Variants in CSRNP3 observed in about 807,000 individuals in gnomAD.
CSRNP3 encodes cysteine and serine rich nuclear protein 3, also known as cysteine/serine-rich nuclear protein 3.
CSRNP3 carries 12 observed loss-of-function variants against 48.0 expected under a neutral mutation model. The ratio of observed to expected loss-of-function variants is 0.25; its 90% CI spans 0.16 to 0.41. The LOEUF is 0.41. Ranked by LOEUF, CSRNP3 falls within the 10% of genes least tolerant of loss-of-function variation. The probability of loss-of-function intolerance (pLI) is 1.00; values close to 1 mark genes in which losing one functional copy is unlikely to be tolerated. For synonymous variants in CSRNP3, 263 were observed against 269.7 expected (o/e 0.98, Z 0.24); for missense variants, 580 against 724.4 (o/e 0.80, Z 2.29).
At chr2:165,605,857 C>A (rs768101727) in intron 4 of CSRNP3, among the ~76,000 whole-genome samples, 6 of 151,986 alleles carry the variant, frequency 3.9e-5, no homozygotes, top group Non-Finnish European at 8.8e-5. Context: ...CCTAACAGAT[C>A]TCAATACTTG....
chr2:165,539,028 A>C (rs1558928765), intron 3 of CSRNP3, among the ~76,000 whole-genome samples: 1 of 152,122 alleles, frequency 6.6e-6, no homozygotes. Context: ...TAGTGGATTG[A>C]AAAAGTACGA....
chr2:165,482,265 C>CTTTTTTT (rs5836042), intron 1 of CSRNP3, among the ~76,000 whole-genome samples: 4 of 143,282 alleles, frequency 2.8e-5, no homozygotes, highest in Non-Finnish European at 1.5e-5. Context: ...AAGAGATGTG[C>CTTTTTTT]TTTTTTTTTT....
chr2:165,494,581 T>C (rs1000080799), intron 1 of CSRNP3, among the ~76,000 whole-genome samples, 178 bp from the exon 2 acceptor site: 5 of 152,090 alleles, frequency 3.3e-5, no homozygotes, highest in African/African-American at 9.7e-5. Flanking sequence ...AGAATGAAAA[T>C]AACGACTTAG....
At chr2:165,625,633 AAAAAAAAGAAAAG>A (rs1442117500) in intron 4 of CSRNP3, among the ~76,000 whole-genome samples, 3 of 104,904 alleles carry the variant, frequency 2.9e-5, no homozygotes, top group African/African-American at 5.7e-5. Context: ...GATTCTGTCA[AAAAAAAAGAAAAG>A]AAAAAAGAAA....
At chr2:165,470,267 G>A (rs1356273130) in intron 1 of CSRNP3, among the ~76,000 whole-genome samples, 1 of 152,030 alleles carries the variant, frequency 6.6e-6, no homozygotes, top group African/African-American at 2.4e-5. Flanking sequence ...AATGATTTGT[G>A]TGCATTTAAG....
chr2:165,569,782 G>T (rs1438269013), intron 3 of CSRNP3, among the ~76,000 whole-genome samples: 34 of 151,718 alleles, frequency 2.2e-4, no homozygotes, highest in Admixed American at 6.6e-5. Context: ...CCAGAGTTTT[G>T]ATTAGAAGGG....
intron 1 of CSRNP3, among the ~76,000 whole-genome samples, chr2:165,475,990 A>C (rs550030334): frequency 1.3e-5 from 2 of 152,342 alleles, no homozygotes; most frequent in South Asian, 4.1e-4. Context: ...ATTGTAAATT[A>C]ATGTAATTAA....
chr2:165,551,515 T>G (rs2105260275), intron 3 of CSRNP3, among the ~76,000 whole-genome samples: 1 of 152,282 alleles, frequency 6.6e-6, no homozygotes, highest in Non-Finnish European at 1.5e-5. Flanking sequence ...CACATGTGTC[T>G]TATGTGTATC....
At chr2:165,604,179 G>T (rs923087578) in intron 4 of CSRNP3, among the ~76,000 whole-genome samples, 1 of 152,092 alleles carries the variant, frequency 6.6e-6, no homozygotes, top group Non-Finnish European at 1.5e-5. Flanking sequence ...AGAAACTCAC[G>T]ATCTAACAGT....
chr2:165,557,132 G>C (rs964051831), intron 3 of CSRNP3, among the ~76,000 whole-genome samples: 3 of 151,970 alleles, frequency 2.0e-5, no homozygotes, highest in Non-Finnish European at 4.4e-5. Flanking sequence ...CCTTTAAATA[G>C]TGGTTTAAAT....
intron 2 of CSRNP3, among the ~76,000 whole-genome samples, chr2:165,508,873 C>T (rs1204781863): frequency 5.9e-5 from 9 of 152,000 alleles, no homozygotes; most frequent in East Asian, 1.9e-4. Context: ...TCATTTGTTT[C>T]GGGTTAGTTT....
intron 4 of CSRNP3, among the ~76,000 whole-genome samples, chr2:165,614,924 A>C (rs1353159193): frequency 6.6e-6 from 1 of 152,204 alleles, no homozygotes. Context: ...CTGAGAAGAT[A>C]CTTTACATGA....
At chr2:165,624,149 G>T (rs1686389209) in intron 4 of CSRNP3, among the ~76,000 whole-genome samples, 2 of 152,020 alleles carry the variant, frequency 1.3e-5, no homozygotes, top group African/African-American at 4.8e-5. Context: ...TTGAAAGGAA[G>T]GAAGGAAAAA....
At chr2:165,643,734 T>TA (rs1686766138) in intron 4 of CSRNP3, among the ~76,000 whole-genome samples, 1 of 152,210 alleles carries the variant, frequency 6.6e-6, no homozygotes, top group Non-Finnish European at 1.5e-5. Context: ...TCTTTGCTTA[T>TA]TTCTGCTCCT....
chr2:165,520,794 T>TATATATATATATATATATATATATATAC (rs1684646697), intron 3 of CSRNP3, among the ~76,000 whole-genome samples: 4 of 23,178 alleles, frequency 1.7e-4, no homozygotes, highest in African/African-American at 3.0e-4. Flanking sequence ...TATATATATA[T>TATATATATATATATATATATATATATAC]ATATATATAT....
rs894450607 is a variant in CSRNP3 at position 165,681,948 on chromosome 2, C to G, written c.*2195C>G. The G allele has an allele frequency of 2.6e-5, 4 of 151,026 alleles. No homozygotes were observed. Among genetic ancestry groups the G allele is most frequent in the African/African-American group, 9.7e-5 (4 of 41,050 alleles). The allele number at this position is 151,026 out of a possible 1,614,324, so 9.4% of individuals were successfully genotyped here. On this transcript the variant is annotated 3_prime_UTR_variant, in exon 7 of 7. Transcript: ENST00000651982. ...GGCCCAAAGAGAAAATGACAAGAGG[C>G]TATTGTTCCTTCATTCAAGCACATG... is the stretch of plus-strand genomic sequence containing the variant.
intron 1 of CSRNP3, among the ~76,000 whole-genome samples, chr2:165,472,698 T>C (rs1374176166): frequency 6.6e-6 from 1 of 152,052 alleles, no homozygotes; most frequent in Non-Finnish European, 1.5e-5. Flanking sequence ...CAGATGAGAT[T>C]CCTAACTCTT....
chr2:165,573,188 T>C (rs1473050320), intron 3 of CSRNP3, among the ~76,000 whole-genome samples: 1 of 152,144 alleles, frequency 6.6e-6, no homozygotes, highest in Non-Finnish European at 1.5e-5. Context: ...TTTCATGTTA[T>C]ATTTCTTTTG....
intron 1 of CSRNP3, among the ~76,000 whole-genome samples, chr2:165,491,024 G>A (rs1684198983): frequency 7.2e-6 from 1 of 138,444 alleles, no homozygotes; most frequent in Admixed American, 7.5e-5. Flanking sequence ...CCTACAACAT[G>A]GGAGAAAATT....
Sources: gnomAD v4.1 joint callset for allele counts (sites outside exome capture counted in the v4.1 genomes callset) on GRCh38, gnomAD v4.1.1 for gene constraint, MANE v1.5 for transcripts, NCBI Gene and HGNC (gene_info 2026-07-23, HGNC 2026-07-21) for gene names.